Variants in NFATC1 observed in about 807,000 individuals in gnomAD.
The protein encoded by NFATC1 is nuclear factor of activated T-cells, cytoplasmic 1.
A neutral mutation model predicts 76.0 loss-of-function variants in NFATC1; 22 were observed. The ratio of observed to expected loss-of-function variants is 0.29; its 90% CI spans 0.21 to 0.41. The LOEUF (loss-of-function observed/expected upper bound fraction) is 0.41, where lower values mean the gene tolerates loss of function less well. Among genes scored for constraint, NFATC1 ranks in the 10% least tolerant of loss-of-function variants. The probability of loss-of-function intolerance (pLI) is 1.00; values close to 1 mark genes in which losing one functional copy is unlikely to be tolerated. For synonymous variants in NFATC1, 704 were observed against 613.1 expected (o/e 1.15, Z -2.19); for missense variants, 1,357 against 1,337.7 (o/e 1.01, Z -0.23).
intron 3 of NFATC1, among the ~76,000 whole-genome samples, chr18:79,447,529 G>A (rs2144756308): frequency 6.6e-6 from 1 of 152,340 alleles, no homozygotes; most frequent in Admixed American, 6.5e-5. Context: ...GTGGTTCCCG[G>A]GGCTGGGCGT....
chr18:79,502,473 A>G (rs901817448), intron 9 of NFATC1, among the ~76,000 whole-genome samples: 2 of 152,232 alleles, frequency 1.3e-5, no homozygotes, highest in Non-Finnish European at 2.9e-5. Context: ...AAACTTGATA[A>G]ATGGAACCTC....
At position 79,409,104 on chromosome 18, in the gene NFATC1, TCCATC is replaced by T. The variant is rs1426254145; in HGVS notation, c.128-1297_128-1293del. On this transcript the variant is annotated intron_variant, in intron 1 of 9. Coordinates refer to ENST00000427363, the MANE Select transcript of NFATC1 (RefSeq NM_001278669.2). The stretch of plus-strand genomic sequence containing the variant: ...TCATCCATCCATCCATCATCATCCA[TCCATC>T]CATCAAACCATTATTCCTCCATTCC... 4.5e-5 allele frequency among the ~76,000 whole-genome samples: 4 copies of T among 89,266 alleles called. 2 individuals carry two copies. Among genetic ancestry groups the T allele is most frequent in the Non-Finnish European group, 1.1e-4 (4 of 38,092 alleles). The allele number at this position is 89,266 out of a possible 152,430, so 58.6% of individuals were successfully genotyped here.
intron 7 of NFATC1, among the ~76,000 whole-genome samples, chr18:79,467,197 G>A (rs752928078): frequency 3.3e-5 from 5 of 152,234 alleles, no homozygotes; most frequent in Non-Finnish European, 7.3e-5. Context: ...GTCCACACGC[G>A]TGTGCAGGTG....
intron 7 of NFATC1, among the ~76,000 whole-genome samples, chr18:79,463,984 T>C (rs187417421): frequency 6.6e-6 from 1 of 152,390 alleles, no homozygotes; most frequent in African/African-American, 2.4e-5. Context: ...TCTGTTTTAC[T>C]TTTGACACTG....
chr18:79,525,776 C>T (rs1485881427), intron 9 of NFATC1, among the ~76,000 whole-genome samples: 2 of 152,252 alleles, frequency 1.3e-5, no homozygotes, highest in Non-Finnish European at 2.9e-5. Flanking sequence ...CTCCCTTCCC[C>T]CACAGGTGGG....
At chr18:79,446,147 C>T (rs1156647659) in intron 3 of NFATC1, among the ~76,000 whole-genome samples, 4 of 152,126 alleles carry the variant, frequency 2.6e-5, no homozygotes, top group South Asian at 2.1e-4. Context: ...CAGTGGGGCC[C>T]GTGACGTATT....
chr18:79,498,220 A>G (rs2089940317), intron 9 of NFATC1: 1 of 152,258 alleles, frequency 6.6e-6, no homozygotes, highest in African/African-American at 2.4e-5. Flanking sequence ...CTCAGGTATT[A>G]GACCAGCAAA....
intron 9 of NFATC1, among the ~76,000 whole-genome samples, chr18:79,511,540 C>A (rs1003418999): frequency 6.6e-6 from 1 of 152,128 alleles, no homozygotes; most frequent in Non-Finnish European, 1.5e-5. Flanking sequence ...GGCACAGTGG[C>A]GGCCGTGGAG....
Position 79,410,727 on chromosome 18 carries a change from C to T in NFATC1, c.452C>T (p.Ser151Phe). ...GACGTCCTCCCTAGCTCCAAACGGTCCCCCTCCACGGCCACGCTGAGTCTG... is the reference window on the plus strand; with the variant it reads ...GACGTCCTCCCTAGCTCCAAACGGTTCCCCTCCACGGCCACGCTGAGTCTG... ...VEDVLPSSKR[S>F]PSTATLSLPS... Residue 151 changes from serine to phenylalanine, a missense_variant, in exon 2 of 10, where the codon TCC (serine) becomes TTC (phenylalanine). Ser to Phe is a radical substitution (Grantham distance 155). Coordinates refer to ENST00000427363, the MANE Select transcript of NFATC1 (RefSeq NM_001278669.2). The surrounding 1 kb of genome is among the most constrained non-coding windows in gnomAD (Gnocchi z 6.7). 1 of 1,613,064 alleles carries T rather than the reference C, an allele frequency of 6.2e-7. No individual in the cohort carries two copies. Among genetic ancestry groups the T allele is most frequent in the Admixed American group, 1.7e-5 (1 of 60,026 alleles).
intron 3 of NFATC1, chr18:79,448,126 C>G (rs1320498651): frequency 6.6e-6 from 1 of 152,470 alleles, no homozygotes; most frequent in African/African-American, 2.4e-5. Context: ...CCATGAGCGG[C>G]TCTGCAGGGT....
intron 6 of NFATC1, among the ~76,000 whole-genome samples, chr18:79,456,514 C>T (rs958577558): frequency 1.3e-5 from 2 of 152,260 alleles, no homozygotes; most frequent in Non-Finnish European, 1.5e-5. Flanking sequence ...CCGCTGGCCA[C>T]CCTGCCCCTC....
At chr18:79,511,075 C>T (rs778451908) in intron 9 of NFATC1, among the ~76,000 whole-genome samples, 3 of 152,222 alleles carry the variant, frequency 2.0e-5, no homozygotes, top group Non-Finnish European at 4.4e-5. Flanking sequence ...CCCGCTGATT[C>T]GATTTAGAGC....
At chr18:79,416,454 C>T (rs1356295978) in intron 2 of NFATC1, among the ~76,000 whole-genome samples, 3 of 140,806 alleles carry the variant, frequency 2.1e-5, no homozygotes, top group Non-Finnish European at 3.1e-5. Context: ...GTGGGGCCAT[C>T]TCTGGGCTCT....
At chr18:79,460,192 C>A (rs2087988818) in intron 6 of NFATC1, among the ~76,000 whole-genome samples, 1 of 152,214 alleles carries the variant, frequency 6.6e-6, no homozygotes. Context: ...ACCCAGGCAG[C>A]AGCCCGGCAC....
chr18:79,451,962 C>T, intron 6 of NFATC1, 146 bp downstream of exon 6: 1 of 935,142 alleles, frequency 1.1e-6, no homozygotes, highest in South Asian at 2.4e-5. Context: ...TCTGCGTGGC[C>T]CGTGTCTGCA....
chr18:79,435,792 G>A (rs1010102433), intron 3 of NFATC1, among the ~76,000 whole-genome samples: 2 of 152,196 alleles, frequency 1.3e-5, no homozygotes, highest in African/African-American at 2.4e-5. Flanking sequence ...CAAGTGGCCC[G>A]TGTGTGCGCA....
rs2089490229 is a variant in NFATC1 at position 79,486,239 on chromosome 18, T to G, written c.2093-9T>G. The G allele has an allele frequency of 1.9e-6, 3 of 1,588,784 alleles. No homozygotes were observed. On this transcript the variant is annotated splice_polypyrimidine_tract_variant and intron_variant, in intron 8 of 9. Transcript: ENST00000427363. Reference sequence around the variant, plus strand: ...TGTGTTTATTTAATTTTTTTTTTCCTTCTCACAGTTCCAATTATAAAAACA... The same window carrying G: ...TGTGTTTATTTAATTTTTTTTTTCCGTCTCACAGTTCCAATTATAAAAACA...
chr18:79,452,480 GGA>G (rs1306905903), intron 6 of NFATC1, among the ~76,000 whole-genome samples: 1 of 152,240 alleles, frequency 6.6e-6, no homozygotes, highest in African/African-American at 2.4e-5. Flanking sequence ...GCTGCCCACG[GGA>G]GACTGTCCTG....
At chr18:79,521,305 G>T (rs2090554606) in intron 9 of NFATC1, among the ~76,000 whole-genome samples, 1 of 77,156 alleles carries the variant, frequency 1.3e-5, no homozygotes, top group African/African-American at 5.3e-5. Flanking sequence ...GTGGGGGGGG[G>T]CGTCTCCTGA....
Sources: gnomAD v4.1 joint callset for allele counts (sites outside exome capture counted in the v4.1 genomes callset) on GRCh38, gnomAD v4.1.1 for gene constraint, Gnocchi (gnomAD v3.1) non-coding constraint, MANE v1.5 for transcripts, NCBI Gene and HGNC (gene_info 2026-07-23, HGNC 2026-07-21) for gene names.